The following ANKRD30B variants were observed in gnomAD, a reference collection of about 807,000 sequenced individuals.
ANKRD30B encodes the protein ankyrin repeat domain 30B.
Under a neutral mutation model 202.2 loss-of-function variants are expected in ANKRD30B, and 144 were observed. The observed-to-expected ratio is 0.71, with a 90% CI of 0.62 to 0.82. The LOEUF is 0.82. ANKRD30B is among the 40% of genes least tolerant of loss of function. The probability of loss-of-function intolerance (pLI) is 0.00; values close to 1 mark genes in which losing one functional copy is unlikely to be tolerated. For synonymous variants in ANKRD30B, 508 were observed against 561.3 expected (o/e 0.91, Z 1.34); for missense variants, 1,487 against 1,669.1 (o/e 0.89, Z 1.90).
At chr18:14,876,254 C>T in the ANKRD30B span, among the ~76,000 whole-genome samples, 2 of 152,064 alleles carry the variant, frequency 1.3e-5, no homozygotes, top group African/African-American at 4.8e-5. Flanking sequence ...GATTAAGTCA[C>T]AGTTCTCTGA....
chr18:14,860,698 G>A, the ANKRD30B span, among the ~76,000 whole-genome samples: 2 of 151,584 alleles, frequency 1.3e-5, no homozygotes, highest in Admixed American at 6.6e-5. Flanking sequence ...AAAAAAAAAT[G>A]CCATCCAATA....
chr18:14,858,074 A>G (rs1261535981), downstream of ANKRD30B, among the ~76,000 whole-genome samples: 1 of 97,330 alleles, frequency 1.0e-5, no homozygotes, highest in Non-Finnish European at 2.1e-5. Context: ...CAACTGCCAG[A>G]CCGGGCGGCC....
chr18:14,874,261 C>T, the ANKRD30B span, among the ~76,000 whole-genome samples: 1 of 152,134 alleles, frequency 6.6e-6, no homozygotes, highest in South Asian at 2.1e-4. Context: ...GATTTCAACC[C>T]ACATTTTATC....
In ANKRD30B at chr18:14,797,654, C is replaced by G. The variant is rs749154625; in HGVS notation, c.1928-7C>G. On this transcript the variant is annotated splice_polypyrimidine_tract_variant and splice_region_variant and intron_variant, in intron 18 of 43. Transcript: ENST00000690538. ...ATAATCAATTATAAATGTCCCTTTT[C>G]TTTTAGAGTCTCCTGATAAAGATGG... 7 of 1,606,222 alleles carry G rather than the reference C, an allele frequency of 4.4e-6. No individual in the cohort carries two copies. Among genetic ancestry groups the G allele is most frequent in the East Asian group, 4.5e-5 (2 of 44,682 alleles).
At chr18:14,937,231 G>T in the ANKRD30B span, among the ~76,000 whole-genome samples, 1 of 152,142 alleles carries the variant, frequency 6.6e-6, no homozygotes, top group African/African-American at 2.4e-5. Context: ...AGAAATCTCA[G>T]AACCCCTAAC....
intron 9 of ANKRD30B, among the ~76,000 whole-genome samples, chr18:14,774,546 T>C (rs868588798): frequency 1.3e-5 from 2 of 152,176 alleles, no homozygotes; most frequent in Non-Finnish European, 2.9e-5. Context: ...TTTTTTTCTC[T>C]GTTTCTTGGA....
chr18:14,883,286 A>G, the ANKRD30B span, among the ~76,000 whole-genome samples: 1 of 150,706 alleles, frequency 6.6e-6, no homozygotes, highest in Admixed American at 6.6e-5. Flanking sequence ...TGTCATATAC[A>G]CTGATGTAAT....
chr18:14,910,265 C>T, the ANKRD30B span, among the ~76,000 whole-genome samples: 1 of 151,924 alleles, frequency 6.6e-6, no homozygotes, highest in Non-Finnish European at 1.5e-5. Flanking sequence ...TCTCCGAAGT[C>T]TATTATTCCA....
chr18:14,879,301 G>A, the ANKRD30B span, among the ~76,000 whole-genome samples: 1 of 150,922 alleles, frequency 6.6e-6, no homozygotes, highest in African/African-American at 2.4e-5. Flanking sequence ...AAGGCGAGGC[G>A]GCCACAGTGC....
the ANKRD30B span, among the ~76,000 whole-genome samples, chr18:14,934,823 T>C: frequency 6.6e-6 from 1 of 151,836 alleles, no homozygotes; most frequent in Non-Finnish European, 1.5e-5. Context: ...TGGCTTTTGG[T>C]TCCTGGAGTG....
the ANKRD30B span, among the ~76,000 whole-genome samples, chr18:14,922,749 T>C: frequency 6.6e-6 from 1 of 151,232 alleles, no homozygotes; most frequent in African/African-American, 2.4e-5. Flanking sequence ...TCAGAACTGG[T>C]GGATAAGAGG....
At chr18:14,842,754 A>G in intron 37 of ANKRD30B, 143 bp from the exon 38 acceptor site, 3 of 747,832 alleles carry the variant, frequency 4.0e-6, no homozygotes, top group Admixed American at 6.0e-5. Flanking sequence ...TCCTAAAGAA[A>G]CATACCGAAA....
chr18:14,900,663 G>C, the ANKRD30B span, among the ~76,000 whole-genome samples: 12 of 152,090 alleles, frequency 7.9e-5, no homozygotes, highest in African/African-American at 2.9e-4. Context: ...CCATTTCCCA[G>C]TCTTTGTTAC....
intron 35 of ANKRD30B, 71 bp downstream of exon 35, chr18:14,837,360 T>C (rs1971223829): frequency 7.3e-7 from 1 of 1,365,724 alleles, no homozygotes; most frequent in African/African-American, 1.5e-5. Flanking sequence ...TGAAAATTTT[T>C]CTATGTTTAA....
In ANKRD30B at chr18:14,776,396, G is replaced by A. The variant is rs189998266; in HGVS notation, c.1330-1589G>A. On this transcript the variant is annotated intron_variant, in intron 9 of 43. Coordinates refer to ENST00000690538, the MANE Select transcript of ANKRD30B (RefSeq NM_001367607.2). ...TTGGAGAACTTTATAATTAGCATGCGTATGGGAGTGGCAGTGGAATTCTAT... is the reference window on the plus strand; with the variant it reads ...TTGGAGAACTTTATAATTAGCATGCATATGGGAGTGGCAGTGGAATTCTAT... Among the ~76,000 whole-genome samples the A allele has an allele frequency of 1.5e-3, 226 of 152,338 alleles. 1 individual carries two copies. Among genetic ancestry groups the A allele is most frequent in the Middle Eastern group, 3.4e-3 (1 of 294 alleles).
intron 11 of ANKRD30B, among the ~76,000 whole-genome samples, chr18:14,781,735 A>T (rs1967767052): frequency 6.6e-6 from 1 of 152,166 alleles, no homozygotes; most frequent in Non-Finnish European, 1.5e-5. Context: ...TCCAGCTGAG[A>T]GTGTCCGTGT....
chr18:14,818,841 T>C (rs1248223253), intron 30 of ANKRD30B, among the ~76,000 whole-genome samples: 1 of 152,026 alleles, frequency 6.6e-6, no homozygotes, highest in East Asian at 1.9e-4. Context: ...TGTGTCGTTA[T>C]AGCAGCATGA....
At chr18:14,914,480 G>A in the ANKRD30B span, among the ~76,000 whole-genome samples, 1 of 152,224 alleles carries the variant, frequency 6.6e-6, no homozygotes, top group African/African-American at 2.4e-5. Context: ...CTCCTGGACA[G>A]TGAAGATAAC....
chr18:14,912,428 C>T, the ANKRD30B span, among the ~76,000 whole-genome samples: 4 of 152,054 alleles, frequency 2.6e-5, no homozygotes, highest in Non-Finnish European at 5.9e-5. Flanking sequence ...TTTATTGACT[C>T]ATGTATGTTG....
Sources: allele counts gnomAD v4.1 joint callset (sites outside exome capture counted in the v4.1 genomes callset), GRCh38; gene constraint gnomAD v4.1.1; transcripts MANE v1.5; gene names NCBI Gene and HGNC (gene_info 2026-07-23, HGNC 2026-07-21).